The following DCLK1 variants were observed in gnomAD, a reference collection of about 807,000 sequenced individuals.
DCLK1 encodes serine/threonine-protein kinase DCLK1.
A neutral mutation model predicts 86.2 loss-of-function variants in DCLK1; 16 were observed. The ratio of observed to expected loss-of-function variants is 0.19; its 90% CI spans 0.13 to 0.28. The LOEUF (loss-of-function observed/expected upper bound fraction) is 0.28, where lower values mean the gene tolerates loss of function less well. DCLK1 is among the 10% of genes least tolerant of loss of function. The pLI is 1.00. For missense variants in DCLK1, 590 were observed against 940.2 expected (o/e 0.63, Z 4.87); for synonymous variants, 369 against 370.5 (o/e 1.00, Z 0.05).
At chr13:35,916,886 C>G (rs751759772) in intron 4 of DCLK1, among the ~76,000 whole-genome samples, 3 of 152,212 alleles carry the variant, frequency 2.0e-5, no homozygotes, top group Non-Finnish European at 2.9e-5. Flanking sequence ...CACCTCCCTT[C>G]TCTCCTGCAG....
At chr13:35,864,760 A>C (rs1871668709) in intron 5 of DCLK1, among the ~76,000 whole-genome samples, 1 of 149,054 alleles carries the variant, frequency 6.7e-6, no homozygotes, top group African/African-American at 2.5e-5. Context: ...TCAAGACTTC[A>C]TGTCACCTCA....
intron 3 of DCLK1, among the ~76,000 whole-genome samples, chr13:36,079,514 C>A (rs1369032599): frequency 1.3e-5 from 2 of 152,020 alleles, no homozygotes; most frequent in Admixed American, 6.6e-5. Context: ...CACATGTAAT[C>A]CCAGCTACTT....
intron 4 of DCLK1, among the ~76,000 whole-genome samples, chr13:35,878,479 T>C (rs1331720906): frequency 1.3e-5 from 2 of 151,504 alleles, no homozygotes; most frequent in East Asian, 1.9e-4. Flanking sequence ...GCAATCAAGA[T>C]CAAAACACTC....
At chr13:35,991,801 C>T (rs1880243309) in intron 3 of DCLK1, among the ~76,000 whole-genome samples, 1 of 152,118 alleles carries the variant, frequency 6.6e-6, no homozygotes, top group Admixed American at 6.5e-5. Context: ...TTAGCAAATC[C>T]AGGTCTGATT....
At chr13:35,969,079 G>C (rs1430859469) in intron 3 of DCLK1, among the ~76,000 whole-genome samples, 1 of 152,198 alleles carries the variant, frequency 6.6e-6, no homozygotes, top group East Asian at 1.9e-4. Flanking sequence ...TATGTAACAA[G>C]GGTACAGTGT....
intron 3 of DCLK1, among the ~76,000 whole-genome samples, chr13:36,028,352 T>C (rs1388006216): frequency 2.0e-5 from 3 of 152,216 alleles, no homozygotes; most frequent in East Asian, 1.9e-4. Flanking sequence ...GGCTGGTCTT[T>C]TGAAATGCTC....
intron 3 of DCLK1, among the ~76,000 whole-genome samples, chr13:35,968,793 A>G (rs939397720): frequency 1.3e-5 from 2 of 152,210 alleles, no homozygotes; most frequent in African/African-American, 4.8e-5. Context: ...GAACAAAACA[A>G]GAAGAAAAAA....
chr13:35,901,491 CAAAAAA>C (rs58801666), intron 4 of DCLK1, among the ~76,000 whole-genome samples: 5 of 45,878 alleles, frequency 1.1e-4, no homozygotes, highest in Admixed American at 4.6e-4. Context: ...GACTCTGTCT[CAAAAAA>C]AAAAAAAAAA....
At chr13:35,936,984 T>C (rs1426970889) in intron 4 of DCLK1, among the ~76,000 whole-genome samples, 1 of 56,454 alleles carries the variant, frequency 1.8e-5, no homozygotes, top group Non-Finnish European at 3.7e-5. Context: ...TTTTTTTTTT[T>C]TTTGAGACGG....
intron 13 of DCLK1, among the ~76,000 whole-genome samples, chr13:35,808,564 C>T (rs567531828): frequency 2.0e-5 from 3 of 152,292 alleles, no homozygotes; most frequent in East Asian, 1.9e-4. Context: ...AGGTAGATCA[C>T]TTGAAGTCAG....
intron 3 of DCLK1, among the ~76,000 whole-genome samples, chr13:36,001,827 T>C (rs1163506688): frequency 6.6e-6 from 1 of 152,180 alleles, no homozygotes; most frequent in Non-Finnish European, 1.5e-5. Context: ...TGGATCTTAC[T>C]GAATCCCTCT....
chr13:35,858,824 C>T (rs1197505368), intron 5 of DCLK1, among the ~76,000 whole-genome samples: 2 of 152,050 alleles, frequency 1.3e-5, no homozygotes, highest in Admixed American at 6.5e-5. Flanking sequence ...GCTTTTGGAA[C>T]ACAACTTGTC....
chr13:35,808,401 G>A (rs1750938773), intron 13 of DCLK1, 81 bp from the exon 14 acceptor site: 2 of 1,139,726 alleles, frequency 1.8e-6, no homozygotes, highest in South Asian at 2.5e-5. Context: ...AGGCACTGGA[G>A]CCCTTCCTTT....
chr13:35,965,520 C>T (rs924611272), intron 3 of DCLK1, among the ~76,000 whole-genome samples: 1 of 152,158 alleles, frequency 6.6e-6, no homozygotes, highest in Non-Finnish European at 1.5e-5. Flanking sequence ...AAAATATTTA[C>T]TTTTTTAAGG....
intron 3 of DCLK1, among the ~76,000 whole-genome samples, chr13:36,071,330 T>G (rs1883967888): frequency 6.6e-6 from 1 of 152,136 alleles, no homozygotes; most frequent in South Asian, 2.1e-4. Context: ...TAAATAAAAT[T>G]AACATTTGTG....
At chr13:35,791,044 A>C (rs1387505493) in intron 16 of DCLK1, among the ~76,000 whole-genome samples, 1 of 152,182 alleles carries the variant, frequency 6.6e-6, no homozygotes, top group Non-Finnish European at 1.5e-5. Flanking sequence ...GAAGGTAGAG[A>C]TATTTATGAG....
chr13:35,932,025 G>T lies in DCLK1; in HGVS notation c.823+15333C>A, dbSNP rs539712088. Among the ~76,000 whole-genome samples, 6 of 152,280 alleles carry T rather than the reference G, an allele frequency of 3.9e-5. No individual in the cohort carries two copies. In the East Asian group the frequency reaches 1.2e-3, roughly 29 times the overall value. ...AATTGAATGCGCCACAGGGTGCCCA[G>T]ATTAAACATTATTTTGGGGTGTGTC... On this transcript the variant is annotated intron_variant, in intron 4 of 16. Transcript: ENST00000360631.
chr13:35,926,919 G>A (rs1224015583), intron 4 of DCLK1, among the ~76,000 whole-genome samples: 1 of 152,226 alleles, frequency 6.6e-6, no homozygotes, highest in African/African-American at 2.4e-5. Context: ...ATTTTAGGCT[G>A]ATGCTGATGT....
At chr13:35,942,012 A>G (rs2153131936) in intron 4 of DCLK1, among the ~76,000 whole-genome samples, 1 of 151,898 alleles carries the variant, frequency 6.6e-6, no homozygotes, top group Non-Finnish European at 1.5e-5. Flanking sequence ...TTCACACCCT[A>G]GAGCTCTTCT....
Sources: gnomAD v4.1 joint callset for allele counts (sites outside exome capture counted in the v4.1 genomes callset) on GRCh38, gnomAD v4.1.1 for gene constraint, MANE v1.5 for transcripts, NCBI Gene and HGNC (gene_info 2026-07-23, HGNC 2026-07-21) for gene names.